The following DGKB variants were observed in gnomAD, a reference collection of about 807,000 sequenced individuals.
The protein encoded by DGKB is diacylglycerol kinase beta.
A neutral mutation model predicts 114.3 loss-of-function variants in DGKB; 67 were observed. The observed-to-expected ratio is 0.59, with a 90% CI of 0.48 to 0.72. The LOEUF is 0.72. Ranked by LOEUF, DGKB falls within the 30% of genes least tolerant of loss-of-function variation. The pLI is 0.00. For synonymous variants in DGKB, 398 were observed against 323.1 expected, an observed-to-expected ratio of 1.23 and a Z score of -2.49; for missense variants, 907 against 975.2, an observed-to-expected ratio of 0.93 and a Z score of 0.93.
At chr7:14,743,649 T>C (rs1260740746) in intron 4 of DGKB, among the ~76,000 whole-genome samples, 1 of 152,204 alleles carries the variant, frequency 6.6e-6, no homozygotes, top group Non-Finnish European at 1.5e-5. Flanking sequence ...TTTTAGTGAA[T>C]AATGCTAACA....
intron 17 of DGKB, among the ~76,000 whole-genome samples, chr7:14,584,232 C>T (rs1341251492): frequency 2.0e-5 from 3 of 152,066 alleles, no homozygotes; most frequent in Admixed American, 6.6e-5. Context: ...TCATGTACTA[C>T]AAGATAAAAT....
intron 1 of DGKB, among the ~76,000 whole-genome samples, chr7:14,893,937 C>T (rs185174755): frequency 4.8e-4 from 73 of 151,308 alleles, no homozygotes; most frequent in African/African-American, 1.7e-3. Flanking sequence ...ATGTCAAAAT[C>T]GGGTTCTGTT....
intron 23 of DGKB, among the ~76,000 whole-genome samples, chr7:14,308,742 G>A (rs896902315): frequency 6.6e-6 from 1 of 152,136 alleles, no homozygotes; most frequent in African/African-American, 2.4e-5. Context: ...TAAACCTGAT[G>A]GGAAGCTTAA....
At chr7:14,567,594 GAT>G (rs577240186) in intron 20 of DGKB, among the ~76,000 whole-genome samples, 2,818 of 98,350 alleles carry the variant, frequency 0.029, 87 homozygotes, top group African/African-American at 0.083. Context: ...TATAAATAAA[GAT>G]ATATATATAT....
At chr7:14,314,478 GA>G (rs1427038062) in intron 23 of DGKB, among the ~76,000 whole-genome samples, 1 of 152,072 alleles carries the variant, frequency 6.6e-6, no homozygotes, top group African/African-American at 2.4e-5. Context: ...AGAACTACGT[GA>G]AGAATGCAGA....
intron 14 of DGKB, among the ~76,000 whole-genome samples, chr7:14,622,507 T>C (rs916479358): frequency 6.6e-6 from 1 of 152,188 alleles, no homozygotes; most frequent in Non-Finnish European, 1.5e-5. Context: ...TGTTTCTGTA[T>C]GTCCACATGA....
chr7:14,260,755 T>C (rs1467744772), intron 23 of DGKB, among the ~76,000 whole-genome samples: 2 of 152,186 alleles, frequency 1.3e-5, no homozygotes, highest in Non-Finnish European at 2.9e-5. Flanking sequence ...CGTGGGATAA[T>C]AGTAACATTT....
intron 20 of DGKB, among the ~76,000 whole-genome samples, chr7:14,518,408 A>G (rs1789195455): frequency 6.6e-6 from 1 of 151,966 alleles, no homozygotes; most frequent in Non-Finnish European, 1.5e-5. Context: ...TCAAACCCCC[A>G]TGACACACAA....
chr7:14,529,726 T>A (rs987942784), intron 20 of DGKB, among the ~76,000 whole-genome samples: 21 of 151,822 alleles, frequency 1.4e-4, no homozygotes, highest in Non-Finnish European at 2.7e-4. Flanking sequence ...TATCATAATT[T>A]TTTAGTGATT....
intron 1 of DGKB, among the ~76,000 whole-genome samples, chr7:14,952,525 A>T (rs1786261220): frequency 6.7e-6 from 1 of 150,356 alleles, no homozygotes; most frequent in African/African-American, 2.5e-5. Flanking sequence ...AAGCTGGAAG[A>T]GTTGAAATAA....
intron 25 of DGKB, among the ~76,000 whole-genome samples, chr7:14,174,935 G>C (rs1781504498): frequency 6.6e-6 from 1 of 152,210 alleles, no homozygotes; most frequent in South Asian, 2.1e-4. Context: ...AAAAGATTTA[G>C]TGTTCAGGCA....
intron 25 of DGKB, among the ~76,000 whole-genome samples, chr7:14,171,395 G>C (rs1203057602): frequency 2.6e-5 from 4 of 152,098 alleles, no homozygotes; most frequent in African/African-American, 9.7e-5. Context: ...AAAATACCCA[G>C]AGTAATTTTG....
At chr7:14,613,762 T>C (rs1369746035) in intron 15 of DGKB, among the ~76,000 whole-genome samples, 1 of 151,974 alleles carries the variant, frequency 6.6e-6, no homozygotes, top group Admixed American at 6.6e-5. Flanking sequence ...ACAGCAGAAT[T>C]TGAGGAAAAA....
chr7:14,419,758 T>C (rs1364170731), intron 21 of DGKB, among the ~76,000 whole-genome samples: 1 of 152,048 alleles, frequency 6.6e-6, no homozygotes, highest in Non-Finnish European at 1.5e-5. Context: ...GAATGGCCTT[T>C]ACAATCAAGA....
intron 6 of DGKB, among the ~76,000 whole-genome samples, chr7:14,711,944 G>A (rs191635884): frequency 1.7e-4 from 26 of 152,250 alleles, no homozygotes; most frequent in Admixed American, 1.4e-3. Context: ...AATACCATCC[G>A]TATGGATACT....
chr7:14,306,293 C>T (rs150468506), intron 23 of DGKB, among the ~76,000 whole-genome samples: 20 of 151,578 alleles, frequency 1.3e-4, no homozygotes, highest in Middle Eastern at 3.4e-3. Context: ...TGCATAACAC[C>T]GAAAGAAAGT....
intron 1 of DGKB, among the ~76,000 whole-genome samples, chr7:14,883,622 T>C (rs576187252): frequency 1.1e-3 from 162 of 152,112 alleles, no homozygotes; most frequent in African/African-American, 3.7e-3. Flanking sequence ...TGTGGTTTTG[T>C]ATTAACCACT....
Position 14,631,851 on chromosome 7 carries a change from G to C in DGKB, c.1135-1583C>G, listed in dbSNP as rs563893859. 3.9e-5 allele frequency among the ~76,000 whole-genome samples: 6 copies of C among 151,996 alleles called. No individual in the cohort carries two copies. In the South Asian group the frequency reaches 6.2e-4, roughly 16 times the overall value. ...TCCATCTTTATCATAATATATACAA[G>C]TTTGTTCTTCAAATTCAGGTCAGGA... On this transcript the variant is annotated intron_variant, in intron 13 of 25. Transcript: ENST00000402815.
chr7:14,816,380 T>C (rs759126595), intron 2 of DGKB: 1 of 152,176 alleles, frequency 6.6e-6, no homozygotes, highest in Non-Finnish European at 1.5e-5. Context: ...CATGTTCCTT[T>C]TCATTCTCCA....
Sources: gnomAD v4.1 joint callset for allele counts (sites outside exome capture counted in the v4.1 genomes callset) on GRCh38, gnomAD v4.1.1 for gene constraint, MANE v1.5 for transcripts, NCBI Gene and HGNC (gene_info 2026-07-23, HGNC 2026-07-21) for gene names.